Variants in DLGAP2 observed in about 807,000 individuals in gnomAD.
DLGAP2 encodes the protein disks large-associated protein 2.
In DLGAP2, 26 loss-of-function variants were observed where a neutral mutation model predicts 100.3. The observed-to-expected ratio is 0.26, with a 90% confidence interval of 0.19 to 0.36. The LOEUF is 0.36. Ranked by LOEUF, DLGAP2 falls within the 10% of genes least tolerant of loss-of-function variation. The probability of loss-of-function intolerance (pLI) is 1.00; values close to 1 mark genes in which losing one functional copy is unlikely to be tolerated. For synonymous variants in DLGAP2, 886 were observed against 630.1 expected (o/e 1.41, Z -6.08); for missense variants, 1,858 against 1,453.2 (o/e 1.28, Z -4.53).
chr8:1,370,206 G>A (rs1802204445), intron 3 of DLGAP2, among the ~76,000 whole-genome samples: 1 of 152,134 alleles, frequency 6.6e-6, no homozygotes, highest in African/African-American at 2.4e-5. Context: ...CTGCCCTTCA[G>A]AGTGGCCGAC....
intron 3 of DLGAP2, among the ~76,000 whole-genome samples, chr8:1,304,817 T>C (rs1800451849): frequency 6.6e-6 from 1 of 152,170 alleles, no homozygotes; most frequent in Non-Finnish European, 1.5e-5. Context: ...TCATCAATTA[T>C]AATAAATGCT....
At position 1,501,462 on chromosome 8, in the gene DLGAP2, G is replaced by C; in HGVS notation, c.172+31G>C. The stretch of plus-strand genomic sequence containing the variant: ...GTACAGACGTCAGCCCCGCTCTGGC[G>C]GGGCCCGGACAGAACCGGGCATGCT... On this transcript the variant is annotated intron_variant, in intron 4 of 14. Transcript: ENST00000637795. 2.6e-6 allele frequency: 4 copies of C among 1,534,708 alleles called. 1 individual carries two copies. Among genetic ancestry groups the C allele is most frequent in the Middle Eastern group, 3.5e-4 (2 of 5,680 alleles).
At chr8:1,519,929 T>A (rs1800529070) in intron 4 of DLGAP2, among the ~76,000 whole-genome samples, 1 of 152,182 alleles carries the variant, frequency 6.6e-6, no homozygotes, top group African/African-American at 2.4e-5. Context: ...TTTGGGTCTA[T>A]CCTCCCACAC....
At chr8:907,282 C>G (rs540141829) in intron 1 of DLGAP2, among the ~76,000 whole-genome samples, 5 of 152,290 alleles carry the variant, frequency 3.3e-5, no homozygotes, top group Admixed American at 6.5e-5. Flanking sequence ...ACACATTTCC[C>G]ACAGACATCT....
intron 2 of DLGAP2, among the ~76,000 whole-genome samples, chr8:1,192,264 T>C (rs1302975172): frequency 1.3e-5 from 2 of 152,224 alleles, no homozygotes; most frequent in Non-Finnish European, 2.9e-5. Context: ...GTTTAGCCCT[T>C]GTTTTCAAGT....
At position 1,455,051 on chromosome 8, in the gene DLGAP2, A is replaced by C. The variant is rs116040921; in HGVS notation, c.107-46315A>C. ...GGGTCTGGGGAGGGGGGGATACCGGATGCAAGGAAGGTTCCAGACACATCA... is the reference window on the plus strand; with the variant it reads ...GGGTCTGGGGAGGGGGGGATACCGGCTGCAAGGAAGGTTCCAGACACATCA... On this transcript the variant is annotated intron_variant, in intron 3 of 14. Coordinates refer to ENST00000637795, the MANE Select transcript of DLGAP2 (RefSeq NM_001346810.2). Among the ~76,000 whole-genome samples, 935 of 152,300 alleles carry C rather than the reference A, an allele frequency of 6.1e-3. 12 individuals carry two copies. Among genetic ancestry groups the C allele is most frequent in the African/African-American group, 0.021 (857 of 41,556 alleles).
intron 2 of DLGAP2, among the ~76,000 whole-genome samples, chr8:970,314 A>G (rs1035624434): frequency 2.6e-5 from 4 of 152,232 alleles, no homozygotes; most frequent in Non-Finnish European, 5.9e-5. Flanking sequence ...ACTTTATAGT[A>G]AGGATGTTAT....
chr8:760,349 C>G (rs760621634), intron 1 of DLGAP2, among the ~76,000 whole-genome samples: 3 of 152,124 alleles, frequency 2.0e-5, no homozygotes, highest in Non-Finnish European at 4.4e-5. Flanking sequence ...TCCTTTCTAA[C>G]CCTTTCATCT....
chr8:1,164,404 T>C (rs895629631), intron 2 of DLGAP2, among the ~76,000 whole-genome samples: 12 of 152,164 alleles, frequency 7.9e-5, no homozygotes, highest in African/African-American at 2.9e-4. Context: ...GCCCGTCGTT[T>C]TGGTTTCTCT....
chr8:1,521,673 C>T (rs1408857793), intron 4 of DLGAP2, among the ~76,000 whole-genome samples: 5 of 30,842 alleles, frequency 1.6e-4, no homozygotes, highest in African/African-American at 3.4e-4. Context: ...AATACTCGGG[C>T]GGCAGGTGAT....
Position 1,334,953 on chromosome 8 carries a change from C to T in DLGAP2, c.106+76070C>T, listed in dbSNP as rs1056557585. ...TTTGCCATCTCCCATCAGGCAGTATCCCGGGACCCAGCCCTCGCAGGCACT... is the reference window on the plus strand; with the variant it reads ...TTTGCCATCTCCCATCAGGCAGTATTCCGGGACCCAGCCCTCGCAGGCACT... On this transcript the variant is annotated intron_variant, in intron 3 of 14. Transcript: ENST00000637795. 3.3e-5 allele frequency among the ~76,000 whole-genome samples: 5 copies of T among 152,308 alleles called. No homozygotes were observed. In the East Asian group the frequency reaches 9.7e-4, roughly 29 times the overall value.
intron 3 of DLGAP2, among the ~76,000 whole-genome samples, chr8:1,419,898 C>T (rs1030752707): frequency 1.3e-5 from 2 of 152,100 alleles, no homozygotes; most frequent in African/African-American, 2.4e-5. Context: ...TTCACAATAG[C>T]CAGGAGATGG....
At chr8:1,259,574 G>A (rs1003673700) in intron 3 of DLGAP2, 1 of 152,226 alleles carries the variant, frequency 6.6e-6, no homozygotes, top group Non-Finnish European at 1.5e-5. Flanking sequence ...GAGGCAAATT[G>A]GCTAGAAAAA....
At chr8:1,092,672 G>C (rs1381379801) in intron 2 of DLGAP2, among the ~76,000 whole-genome samples, 1 of 152,212 alleles carries the variant, frequency 6.6e-6, no homozygotes, top group African/African-American at 2.4e-5. Flanking sequence ...ACTGTCTCGT[G>C]CTGAGGTTTC....
intron 3 of DLGAP2, among the ~76,000 whole-genome samples, chr8:1,302,842 A>C (rs1800391821): frequency 6.6e-6 from 1 of 152,232 alleles, no homozygotes; most frequent in African/African-American, 2.4e-5. Context: ...GCGCCGCTGG[A>C]GTCGATTCTT....
intron 2 of DLGAP2, among the ~76,000 whole-genome samples, chr8:997,964 C>A (rs556077977): frequency 2.6e-5 from 4 of 152,254 alleles, no homozygotes; most frequent in South Asian, 4.1e-4. Context: ...CACATGCATA[C>A]ACGCATGCAT....
At chr8:1,498,184 A>C (rs1352650752) in intron 3 of DLGAP2, among the ~76,000 whole-genome samples, 1 of 152,034 alleles carries the variant, frequency 6.6e-6, no homozygotes, top group Non-Finnish European at 1.5e-5. Flanking sequence ...GTCTGGGTGA[A>C]GATAAGGGGT....
At chr8:791,899 C>A (rs1247203309) in intron 1 of DLGAP2, among the ~76,000 whole-genome samples, 1 of 152,176 alleles carries the variant, frequency 6.6e-6, no homozygotes, top group East Asian at 1.9e-4. Context: ...AAGTTGCACA[C>A]CCCATTGGAG....
At chr8:1,134,382 G>C (rs1796360447) in intron 2 of DLGAP2, among the ~76,000 whole-genome samples, 3 of 152,150 alleles carry the variant, frequency 2.0e-5, no homozygotes, top group Admixed American at 6.6e-5. Flanking sequence ...TGGTAGTTCT[G>C]TTTTTAGGTC....
Sources: gnomAD v4.1 joint callset for allele counts (sites outside exome capture counted in the v4.1 genomes callset) on GRCh38, gnomAD v4.1.1 for gene constraint, MANE v1.5 for transcripts, NCBI Gene and HGNC (gene_info 2026-07-23, HGNC 2026-07-21) for gene names.